Variants in SLC10A7 observed in about 807,000 individuals in gnomAD.
SLC10A7 encodes the protein sodium/bile acid cotransporter 7.
SLC10A7 carries 29 observed loss-of-function variants against 43.2 expected under a neutral mutation model. That is an observed-to-expected ratio of 0.67 (90% CI 0.50 to 0.92). The LOEUF is 0.92. Among genes scored for constraint, SLC10A7 ranks in the 40% least tolerant of loss-of-function variants. The probability of loss-of-function intolerance (pLI) is 0.00; values close to 1 mark genes in which losing one functional copy is unlikely to be tolerated. For missense variants in SLC10A7, 295 were observed against 403.2 expected, an observed-to-expected ratio of 0.73 and a Z score of 2.30; for synonymous variants, 152 against 144.8, an observed-to-expected ratio of 1.05 and a Z score of -0.35.
intron 5 of SLC10A7, among the ~76,000 whole-genome samples, chr4:146,350,562 C>T (rs1320507390): frequency 7.0e-6 from 1 of 143,458 alleles, no homozygotes; most frequent in Non-Finnish European, 1.5e-5. Context: ...CTTCTGTAGG[C>T]TCCACCTCTG....
chr4:146,476,932 C>CA (rs1407442083), intron 4 of SLC10A7, among the ~76,000 whole-genome samples: 5 of 123,684 alleles, frequency 4.0e-5, no homozygotes, highest in African/African-American at 1.6e-4. Context: ...ACTGAAGTAA[C>CA]AACAAATTCT....
intron 1 of SLC10A7, among the ~76,000 whole-genome samples, 185 bp from the exon 2 acceptor site, chr4:146,517,305 AT>A (rs1738106886): frequency 6.6e-6 from 1 of 152,082 alleles, no homozygotes; most frequent in South Asian, 2.1e-4. Context: ...TTTACTAAAA[AT>A]ACAAAAATTA....
chr4:146,395,353 G>A (rs1307599744), intron 5 of SLC10A7, among the ~76,000 whole-genome samples: 1 of 152,130 alleles, frequency 6.6e-6, no homozygotes, highest in Non-Finnish European at 1.5e-5. Flanking sequence ...TCATGCCACT[G>A]CACTACATTC....
At chr4:146,376,573 G>T (rs370636427) in intron 5 of SLC10A7, among the ~76,000 whole-genome samples, 1 of 152,038 alleles carries the variant, frequency 6.6e-6, no homozygotes, top group Non-Finnish European at 1.5e-5. Context: ...GTCCCCAGCC[G>T]AACTCCAGGG....
chr4:146,494,228 A>G (rs922942804), intron 4 of SLC10A7, among the ~76,000 whole-genome samples: 1 of 152,248 alleles, frequency 6.6e-6, no homozygotes, highest in Non-Finnish European at 1.5e-5. Flanking sequence ...AGCAAGGTCC[A>G]GGGCTTACTG....
intron 9 of SLC10A7, among the ~76,000 whole-genome samples, chr4:146,288,026 G>T (rs75518229): frequency 2.6e-4 from 39 of 152,290 alleles, no homozygotes; most frequent in African/African-American, 9.1e-4. Context: ...ACGCTTACTT[G>T]TCCTCTGTTT....
At chr4:146,406,104 C>G (rs986657988) in intron 5 of SLC10A7, among the ~76,000 whole-genome samples, 3 of 152,122 alleles carry the variant, frequency 2.0e-5, no homozygotes, top group African/African-American at 7.2e-5. Context: ...ATCTGGAAAA[C>G]TACTTCCAGT....
chr4:146,446,405 G>A (rs867954445), intron 4 of SLC10A7, among the ~76,000 whole-genome samples: 4 of 152,006 alleles, frequency 2.6e-5, no homozygotes, highest in South Asian at 2.1e-4. Context: ...GGTGAAACCT[G>A]TCTCTCCTAA....
In SLC10A7 at chr4:146,256,445, C is replaced by T. The variant is rs1727888609; in HGVS notation, c.*46G>A. The T allele has an allele frequency of 4.4e-6, 7 of 1,600,066 alleles. No individual in the cohort carries two copies. In the Admixed American group the frequency reaches 6.7e-5, roughly 15 times the overall value. ...AAGTCTTCAGAATTGCTAGTATGTA[C>T]AATCCTGTACATATATACATTGCTA... On this transcript the variant is annotated 3_prime_UTR_variant, in exon 12 of 12. Transcript: ENST00000335472.
At chr4:146,484,603 T>C (rs1734762441) in intron 4 of SLC10A7, among the ~76,000 whole-genome samples, 1 of 152,156 alleles carries the variant, frequency 6.6e-6, no homozygotes, top group Non-Finnish European at 1.5e-5. Flanking sequence ...AAGTAGCAGA[T>C]ATTTAGGATA....
intron 4 of SLC10A7, among the ~76,000 whole-genome samples, chr4:146,482,269 A>G (rs1734543820): frequency 6.6e-6 from 1 of 152,252 alleles, no homozygotes; most frequent in Non-Finnish European, 1.5e-5. Context: ...CTGATGCAAC[A>G]GAAAGAGAAA....
At chr4:146,389,971 C>A (rs943873124) in intron 5 of SLC10A7, among the ~76,000 whole-genome samples, 13 of 152,154 alleles carry the variant, frequency 8.5e-5, no homozygotes, top group Non-Finnish European at 4.4e-5. Flanking sequence ...TAGCTGAATG[C>A]AACCTATGGA....
At chr4:146,310,896 G>A (rs1179989807) in intron 6 of SLC10A7, among the ~76,000 whole-genome samples, 1 of 150,548 alleles carries the variant, frequency 6.6e-6, no homozygotes, top group Non-Finnish European at 1.5e-5. Flanking sequence ...ACAGGGGAAG[G>A]GGGCACTAGT....
intron 5 of SLC10A7, among the ~76,000 whole-genome samples, chr4:146,418,002 A>AGATGATGATGATGAT (rs140809624): frequency 3.5e-4 from 51 of 147,346 alleles, no homozygotes; most frequent in African/African-American, 9.3e-4. Flanking sequence ...ATATCTGAAC[A>AGATGATGATGATGAT]GATGATGATG....
intron 4 of SLC10A7, among the ~76,000 whole-genome samples, chr4:146,450,040 C>A (rs891641159): frequency 3.3e-5 from 5 of 152,126 alleles, no homozygotes; most frequent in South Asian, 2.1e-4. Flanking sequence ...TACATTCACA[C>A]CATTCAATAA....
intron 4 of SLC10A7, 79 bp from the exon 5 acceptor site, chr4:146,442,900 C>T (rs1344140): frequency 0.26 from 257,249 of 992,256 alleles, 34,903 homozygotes; most frequent in South Asian, 0.35. Flanking sequence ...TCATTCTCCC[C>T]TCCCCCACTA....
chr4:146,408,290 A>G (rs901440609), intron 5 of SLC10A7, among the ~76,000 whole-genome samples: 3 of 152,052 alleles, frequency 2.0e-5, no homozygotes, highest in Admixed American at 2.0e-4. Flanking sequence ...GCTCACAGCT[A>G]TGATCTTAGC....
At chr4:146,380,708 T>C (rs1737553733) in intron 5 of SLC10A7, among the ~76,000 whole-genome samples, 1 of 152,144 alleles carries the variant, frequency 6.6e-6, no homozygotes, top group African/African-American at 2.4e-5. Flanking sequence ...CTTATAATTG[T>C]TGTATCAGTA....
chr4:146,342,442 A>T (rs1022016455), intron 5 of SLC10A7, among the ~76,000 whole-genome samples: 1 of 151,828 alleles, frequency 6.6e-6, no homozygotes, highest in Non-Finnish European at 1.5e-5. Context: ...GAAAAAAATA[A>T]GAAGAAATAA....
Sources: allele counts gnomAD v4.1 joint callset (sites outside exome capture counted in the v4.1 genomes callset), GRCh38; gene constraint gnomAD v4.1.1; transcripts MANE v1.5; gene names NCBI Gene and HGNC (gene_info 2026-07-23, HGNC 2026-07-21).